FARSB: variants seen among roughly 807,000 people sequenced by gnomAD.
FARSB encodes the protein phenylalanine--tRNA ligase beta subunit.
In FARSB, 40 loss-of-function variants were observed where a neutral mutation model predicts 69.6. The observed-to-expected ratio is 0.57, with a 90% CI of 0.45 to 0.75. The LOEUF (loss-of-function observed/expected upper bound fraction) is 0.75. Ranked by LOEUF, FARSB falls within the 30% of genes least tolerant of loss-of-function variation. The probability of loss-of-function intolerance (pLI) is 0.00; values close to 1 mark genes in which losing one functional copy is unlikely to be tolerated. For missense variants in FARSB, 632 were observed against 722.9 expected, an observed-to-expected ratio of 0.87 and a Z score of 1.44; for synonymous variants, 235 against 247.2, an observed-to-expected ratio of 0.95 and a Z score of 0.46.
chr2:222,579,768 T>G (rs1382519509), intron 16 of FARSB, among the ~76,000 whole-genome samples: 1 of 152,246 alleles, frequency 6.6e-6, no homozygotes, highest in African/African-American at 2.4e-5. Flanking sequence ...CAGGTTTTCC[T>G]GAAACCCAGT....
intron 5 of FARSB, 122 bp from the exon 6 acceptor site, chr2:222,634,663 T>C (rs976862217): frequency 6.0e-6 from 4 of 669,536 alleles, no homozygotes; most frequent in Non-Finnish European, 9.2e-6. Context: ...ATATTTTTTT[T>C]AATTATTTCA....
chr2:222,604,012 C>T (rs943844493), intron 15 of FARSB, among the ~76,000 whole-genome samples: 4 of 151,722 alleles, frequency 2.6e-5, no homozygotes, highest in African/African-American at 4.8e-5. Context: ...GTCAGGAGAT[C>T]GAGACCATCC....
At chr2:222,633,066 C>A in intron 7 of FARSB, 133 bp downstream of exon 7, 2 of 627,536 alleles carry the variant, frequency 3.2e-6, no homozygotes, top group East Asian at 2.9e-5. Flanking sequence ...TGATTAGAAT[C>A]TACAAAAGAC....
intron 10 of FARSB, among the ~76,000 whole-genome samples, chr2:222,627,618 C>G (rs1354941605): frequency 6.6e-6 from 1 of 152,202 alleles, no homozygotes; most frequent in Admixed American, 6.5e-5. Context: ...ATAACAAAAG[C>G]TAACTGACAA....
At chr2:222,588,751 C>T (rs990046725) in intron 16 of FARSB, among the ~76,000 whole-genome samples, 5 of 152,150 alleles carry the variant, frequency 3.3e-5, no homozygotes, top group Non-Finnish European at 7.3e-5. Context: ...GAGTGAACTC[C>T]CATTCACAAT....
Position 222,646,753 on chromosome 2 carries a change from C to T in FARSB, c.114+1987G>A, listed in dbSNP as rs569716162. Among the ~76,000 whole-genome samples the T allele has an allele frequency of 2.0e-5, 3 of 152,190 alleles. No homozygotes were observed. The East Asian group carries it at 5.8e-4, about 29-fold the overall frequency. On this transcript the variant is annotated intron_variant, in intron 2 of 16. Transcript: ENST00000281828. The stretch of plus-strand genomic sequence containing the variant: ...TCTCTTGCTCATTTTGCAGAAATAA[C>T]CTAAGTTGCTCAAATTCAGACTTGA...
chr2:222,636,886 A>G (rs1288682773), intron 5 of FARSB, among the ~76,000 whole-genome samples: 1 of 152,162 alleles, frequency 6.6e-6, no homozygotes, highest in Admixed American at 6.5e-5. Context: ...GGAAGACATG[A>G]CTCTTACTCC....
Position 222,569,179 on chromosome 2 carries a change from T to C in FARSB, c.*2692A>G, listed in dbSNP as rs1172652007. 1 of 152,220 alleles carries C rather than the reference T, an allele frequency of 6.6e-6. No individual in the cohort carries two copies. The highest frequency in any genetic ancestry group is 2.4e-5 in the African/African-American group (1 of 41,456). 9.4% of individuals were successfully genotyped at this position (152,220 alleles called of 1,614,324 possible). On this transcript the variant is annotated 3_prime_UTR_variant, in exon 17 of 17. Coordinates refer to ENST00000281828, the MANE Select transcript of FARSB (RefSeq NM_005687.5). ...TTTCCTGCTTCCGAGGGCAGAAACATCTACATGATGCATGGAGTTGATCTT... is the reference window on the plus strand; with the variant it reads ...TTTCCTGCTTCCGAGGGCAGAAACACCTACATGATGCATGGAGTTGATCTT...
chr2:222,639,560 A>T lies in FARSB; in HGVS notation c.455+20T>A, dbSNP rs763439699. ...AAGGGAAAGGGGAAGGCAAGGAAGA[A>T]AGAAAATGCAACCACAAACCTGCAA... is the stretch of plus-strand genomic sequence containing the variant. On this transcript the variant is annotated intron_variant, in intron 5 of 16. Transcript: ENST00000281828. 2.8e-5 allele frequency: 35 copies of T among 1,238,274 alleles called. No homozygotes were observed. Among genetic ancestry groups the T allele is most frequent in the Non-Finnish European group, 3.7e-5 (32 of 861,608 alleles). The allele number at this position is 1,238,274 out of a possible 1,614,324, so 76.7% of individuals were successfully genotyped here. A position where few individuals can be genotyped will look rare whatever the true frequency, so the allele number is the denominator to read the frequency against.
Position 222,639,624 on chromosome 2 carries a change from G to A in FARSB, c.411C>T (p.Asp137=). The A allele has an allele frequency of 3.1e-6, 5 of 1,595,366 alleles. No homozygotes were observed. Among genetic ancestry groups the A allele is most frequent in the Non-Finnish European group, 4.3e-6 (5 of 1,168,770 alleles). ...RNIKFTKDRY[D]SFIELQEKLH... is the part of the protein sequence containing the mutation. ...ATTTCTCCTGAAGTTCAATGAAGCT[G>A]TCATATCGATCTTTAGTAAACTTTA... Residue 137 remains aspartate, a synonymous_variant, in exon 5 of 17, where the codon GAC becomes GAT. Transcript: ENST00000281828.
intron 15 of FARSB, among the ~76,000 whole-genome samples, chr2:222,607,503 G>A (rs1690732809): frequency 6.6e-6 from 1 of 152,004 alleles, no homozygotes. Context: ...AACAAGACAG[G>A]TAAAGTATAT....
chr2:222,624,558 T>A, intron 11 of FARSB, 79 bp from the exon 12 acceptor site: 1 of 1,020,220 alleles, frequency 9.8e-7, no homozygotes, highest in Non-Finnish European at 1.5e-6. Flanking sequence ...CATATGCTAC[T>A]AGCTGAAACA....
intron 9 of FARSB, 63 bp from the exon 10 acceptor site, chr2:222,628,951 A>G: frequency 8.7e-7 from 1 of 1,143,564 alleles, no homozygotes; most frequent in Non-Finnish European, 1.3e-6. Flanking sequence ...TACAGACATG[A>G]GTATGGTTAT....
At position 222,624,466 on chromosome 2, in the gene FARSB, T is replaced by C; in HGVS notation, c.976A>G (p.Asn326Asp). 1 of 1,609,074 alleles carries C rather than the reference T, an allele frequency of 6.2e-7. No homozygotes were observed. The highest frequency in any genetic ancestry group is 8.5e-7 in the Non-Finnish European group (1 of 1,175,426). Residue 326 changes from asparagine to aspartate, a missense_variant, in exon 12 of 17, where the codon AAT (asparagine) becomes GAT (aspartate). By Grantham distance (23) the Asn-to-Asp change is conservative. Coordinates refer to ENST00000281828, the MANE Select transcript of FARSB (RefSeq NM_005687.5). ...ATCCTGGTCAGAAGTTTGGCAAGAT[T>C]TTCTGGAGTTTCTCTGAAAAAGGAA... ...KKVGIRETPE[N>D]LAKLLTRMYL...
At chr2:222,595,260 C>T (rs1690380779) in intron 16 of FARSB, among the ~76,000 whole-genome samples, 1 of 152,192 alleles carries the variant, frequency 6.6e-6, no homozygotes, top group Non-Finnish European at 1.5e-5. Context: ...AACACTTTTA[C>T]TTCAACAAGT....
chr2:222,619,120 C>T (rs1201041616), intron 14 of FARSB, among the ~76,000 whole-genome samples: 2 of 150,708 alleles, frequency 1.3e-5, no homozygotes, highest in Non-Finnish European at 3.0e-5. Context: ...CCAGCCTGGG[C>T]GACAGAGCGA....
At position 222,630,957 on chromosome 2, in the gene FARSB, T is replaced by A. The variant is rs1471837717; in HGVS notation, c.786+647A>T. 2.0e-5 allele frequency among the ~76,000 whole-genome samples: 3 copies of A among 152,344 alleles called. No homozygotes were observed. In the South Asian group the frequency reaches 6.2e-4, roughly 32 times the overall value. ...CCATTTATTTGCCCTATTTCTATAC[T>A]CCAGCCTTCTCCTGCCATTTGAGGT... On this transcript the variant is annotated intron_variant, in intron 8 of 16. Coordinates refer to ENST00000281828, the MANE Select transcript of FARSB (RefSeq NM_005687.5).
intron 5 of FARSB, among the ~76,000 whole-genome samples, chr2:222,638,935 T>A (rs1457946560): frequency 6.6e-6 from 1 of 152,230 alleles, no homozygotes. Context: ...AGTATACAGT[T>A]TCCATTAGGA....
chr2:222,582,358 G>A (rs111521453), intron 16 of FARSB, among the ~76,000 whole-genome samples: 36 of 152,286 alleles, frequency 2.4e-4, no homozygotes, highest in African/African-American at 7.7e-4. Context: ...AGCTGAAAGA[G>A]TAGAAGAGAA....
Sources: gnomAD v4.1 joint callset for allele counts (sites outside exome capture counted in the v4.1 genomes callset) on GRCh38, gnomAD v4.1.1 for gene constraint, MANE v1.5 for transcripts, NCBI Gene and HGNC (gene_info 2026-07-23, HGNC 2026-07-21) for gene names.